The following STARD5 variants were observed in gnomAD, a reference collection of about 807,000 sequenced individuals.
STARD5 encodes the protein stAR-related lipid transfer protein 5.
STARD5 carries 26 observed loss-of-function variants against 24.6 expected under a neutral mutation model. The observed-to-expected ratio is 1.06, with a 90% CI of 0.77 to 1.47. The LOEUF is 1.47. Among genes scored for constraint, STARD5 ranks in the 40% most tolerant of loss-of-function variants. The pLI is 0.00. For missense variants in STARD5, 254 were observed against 270.8 expected, an observed-to-expected ratio of 0.94 and a Z score of 0.44; for synonymous variants, 101 against 99.7, an observed-to-expected ratio of 1.01 and a Z score of -0.07.
rs142109431 is a variant in STARD5, at chr15:81,312,592, C to G, written c.*664G>C. Reference sequence around the variant, plus strand: ...ACAGATTCACACTGTCTGGTTTCACCGAGGACATGAAACTCCACCTTGCGG... The same window carrying G: ...ACAGATTCACACTGTCTGGTTTCACGGAGGACATGAAACTCCACCTTGCGG... On this transcript the variant is annotated 3_prime_UTR_variant, in exon 6 of 6. Transcript: ENST00000302824. The G allele has an allele frequency of 7.9e-5, 12 of 152,160 alleles. No individual in the cohort carries two copies. The highest frequency in any genetic ancestry group is 2.7e-4 in the African/African-American group (11 of 41,434). 9.4% of individuals were successfully genotyped at this position (152,160 alleles called of 1,614,324 possible).
rs1164330273 is a variant in STARD5 at position 81,313,380 on chromosome 15, A to C, written c.518T>G (p.Val173Gly). Residue 173 changes from valine (V) to glycine (G), a missense_variant, in exon 6 of 6, where the codon GTC (valine) becomes GGC (glycine). Coordinates refer to ENST00000302824, the MANE Select transcript of STARD5 (RefSeq NM_181900.3). ...LPGEPTKTNL[V>G]TFFHTDLSGY... ...GCTGAGGTCGGTATGGAAGAATGTG[A>C]CCAGGTTGGTCTTGGTGGGTTCCCT... The C allele has an allele frequency of 3.2e-6, 5 of 1,567,200 alleles. No individual in the cohort carries two copies. The African/African-American group carries it at 6.8e-5, about 21-fold the overall frequency.
At chr15:81,322,619 T>G (rs1893312376) in intron 2 of STARD5, 79 bp from the exon 3 acceptor site, 4 of 1,598,920 alleles carry the variant, frequency 2.5e-6, no homozygotes, top group Non-Finnish European at 3.4e-6. Context: ...GACTAGAAGG[T>G]GGACCATGCC....
In STARD5 at chr15:81,309,090, CAT is replaced by C. The variant is rs1453935087; in HGVS notation, c.*4164_*4165del. 4 of 324,730 alleles carry C rather than the reference CAT, an allele frequency of 1.2e-5. No individual in the cohort carries two copies. Among genetic ancestry groups the C allele is most frequent in the African/African-American group, 8.6e-5 (4 of 46,728 alleles). The allele number at this position is 324,730 out of a possible 1,614,324, so 20.1% of individuals were successfully genotyped here. A position where few individuals can be genotyped will look rare whatever the true frequency, so the allele number is the denominator to read the frequency against. Reference sequence around the variant, plus strand: ...AAATAAAATGGATTTATTAGAATTTCATATGACATTCATGCCTGGCTTCGCAA... The same window carrying C: ...AAATAAAATGGATTTATTAGAATTTCATGACATTCATGCCTGGCTTCGCAA... On this transcript the variant is annotated 3_prime_UTR_variant, in exon 6 of 6. Transcript: ENST00000302824.
chr15:81,321,893 G>C (rs1415287494), intron 3 of STARD5, among the ~76,000 whole-genome samples: 1 of 152,156 alleles, frequency 6.6e-6, no homozygotes, highest in East Asian at 1.9e-4. Flanking sequence ...TCAAAACTGA[G>C]ATTTACATGT....
In STARD5 at chr15:81,312,720, T is replaced by C. The variant is rs1326850891; in HGVS notation, c.*536A>G. 1 of 152,260 alleles carries C rather than the reference T, an allele frequency of 6.6e-6. No homozygotes were observed. The highest frequency in any genetic ancestry group is 1.5e-5 in the Non-Finnish European group (1 of 68,050). 9.4% of individuals were successfully genotyped at this position (152,260 alleles called of 1,614,324 possible). On this transcript the variant is annotated 3_prime_UTR_variant, in exon 6 of 6. Transcript: ENST00000302824. The stretch of plus-strand genomic sequence containing the variant: ...AAACCATTATTTCCAAGTTGACACC[T>C]TTTTTAAGGAAAAATAAATATTTTG...
intron 5 of STARD5, among the ~76,000 whole-genome samples, chr15:81,315,326 G>GT (rs1417458754): frequency 6.6e-6 from 1 of 152,142 alleles, no homozygotes; most frequent in Non-Finnish European, 1.5e-5. Context: ...GGCGGAACGT[G>GT]TGAGAGGCCA....
chr15:81,324,103 G>A lies in STARD5; in HGVS notation c.-4C>T, dbSNP rs1893344260. ...GGGCTGCCAGCGCCGGGTCCATTGC[G>A]TCGGGAGCTGCGCTTAGCTGCGGGG... On this transcript the variant is annotated 5_prime_UTR_variant, in exon 1 of 6. In the 5' UTR this introduces an upstream ATG that the reference lacks. Coordinates refer to ENST00000302824, the MANE Select transcript of STARD5 (RefSeq NM_181900.3). 4.8e-6 allele frequency: 7 copies of A among 1,444,784 alleles called. No homozygotes were observed. The highest frequency in any genetic ancestry group is 1.5e-5 in the South Asian group (1 of 67,940). The allele number at this position is 1,444,784 out of a possible 1,614,324, so 89.5% of individuals were successfully genotyped here.
In STARD5 at chr15:81,319,399, T is replaced by C. The variant is rs758361666; in HGVS notation, c.340A>G (p.Arg114Gly). Residue 114 changes from arginine (R) to glycine (G), a missense_variant, in exon 4 of 6, where the codon AGA becomes GGA. Physicochemically the swap from Arg to Gly is moderately radical, Grantham distance 125. Coordinates refer to ENST00000302824, the MANE Select transcript of STARD5 (RefSeq NM_181900.3). ...PSAAMKLISPRDFVDLVLVKR... is the reference protein window; with the variant it reads ...PSAAMKLISPGDFVDLVLVKR... ...ACTAGCACCAAGTCCACAAAATCTC[T>C]GGGAGAAATGAGCTTCATGGCAGCG... 1 of 1,614,160 alleles carries C rather than the reference T, an allele frequency of 6.2e-7. No individual in the cohort carries two copies. The highest frequency in any genetic ancestry group is 1.7e-5 in the Admixed American group (1 of 60,028).
Position 81,311,740 on chromosome 15 carries a change from G to C in STARD5, c.*1516C>G, listed in dbSNP as rs1258544072. Reference sequence around the variant, plus strand: ...GATATAGAACAGTGCTTGCCACAGAGCGGGGACTCGGTAAGCACTTAATGA... The same window carrying C: ...GATATAGAACAGTGCTTGCCACAGACCGGGGACTCGGTAAGCACTTAATGA... On this transcript the variant is annotated 3_prime_UTR_variant, in exon 6 of 6. Transcript: ENST00000302824. 3 of 152,246 alleles carry C rather than the reference G, an allele frequency of 2.0e-5. No individual in the cohort carries two copies. Among genetic ancestry groups the C allele is most frequent in the African/African-American group, 7.2e-5 (3 of 41,458 alleles). The allele number at this position is 152,246 out of a possible 1,614,324, so 9.4% of individuals were successfully genotyped here. A position where few individuals can be genotyped will look rare whatever the true frequency, so the allele number is the denominator to read the frequency against.
chr15:81,318,347 G>T, intron 5 of STARD5, 62 bp downstream of exon 5: 1 of 1,408,314 alleles, frequency 7.1e-7, no homozygotes, highest in Non-Finnish European at 1.0e-6. Context: ...TTCACAGAAG[G>T]TCCACAGGGA....
intron 3 of STARD5, among the ~76,000 whole-genome samples, chr15:81,320,590 G>A (rs4396495): frequency 0.035 from 5,285 of 152,190 alleles, 124 homozygotes; most frequent in Middle Eastern, 0.078. Context: ...GAGTGCGGGC[G>A]GCAATATGTA....
Position 81,311,713 on chromosome 15 carries a change from T to C in STARD5, c.*1543A>G, listed in dbSNP as rs1025023471. The C allele has an allele frequency of 1.3e-5, 2 of 152,124 alleles. No individual in the cohort carries two copies. The highest frequency in any genetic ancestry group is 4.8e-5 in the African/African-American group (2 of 41,404). The allele number at this position is 152,124 out of a possible 1,614,324, so 9.4% of individuals were successfully genotyped here. A position where few individuals can be genotyped will look rare whatever the true frequency, so the allele number is the denominator to read the frequency against. ...TAGAATTGGCTGAACTCATGAGAAG[T>C]TGATATAGAACAGTGCTTGCCACAG... On this transcript the variant is annotated 3_prime_UTR_variant, in exon 6 of 6. Transcript: ENST00000302824.
At chr15:81,317,938 C>G (rs563045315) in intron 5 of STARD5, among the ~76,000 whole-genome samples, 1 of 152,272 alleles carries the variant, frequency 6.6e-6, no homozygotes, top group East Asian at 1.9e-4. Flanking sequence ...CCGCCACATT[C>G]CTTGCCGAGG....
At chr15:81,322,382 G>A (rs1165400788) in intron 3 of STARD5, 26 bp downstream of exon 3, 1 of 1,613,910 alleles carries the variant, frequency 6.2e-7, no homozygotes, top group African/African-American at 1.3e-5. Context: ...ACACTATCTA[G>A]AGATAACATG....
intron 3 of STARD5, among the ~76,000 whole-genome samples, chr15:81,320,315 C>T (rs1901171385): frequency 6.6e-6 from 1 of 152,174 alleles, no homozygotes; most frequent in South Asian, 2.1e-4. Flanking sequence ...ACACTTTCGG[C>T]CTCAGGAAAT....
chr15:81,322,235 C>T (rs949737450), intron 3 of STARD5, among the ~76,000 whole-genome samples, 173 bp downstream of exon 3: 1 of 152,190 alleles, frequency 6.6e-6, no homozygotes, highest in African/African-American at 2.4e-5. Flanking sequence ...GGTTTCCCAC[C>T]GGGAAACTGG....
rs766186823 is a variant in STARD5 at position 81,319,369 on chromosome 15, T to C, written c.370A>G (p.Arg124Gly). The C allele has an allele frequency of 2.5e-6, 4 of 1,614,216 alleles. No individual in the cohort carries two copies. Among genetic ancestry groups the C allele is most frequent in the Non-Finnish European group, 3.4e-6 (4 of 1,180,028 alleles). ...GAACTGATGGTCCCATCCTCATATCTCTTGACTAGCACCAAGTCCACAAAA... is the reference window on the plus strand; with the variant it reads ...GAACTGATGGTCCCATCCTCATATCCCTTGACTAGCACCAAGTCCACAAAA... ...RDFVDLVLVK[R>G]YEDGTISSNA... Residue 124 changes from arginine (R) to glycine (G), a missense_variant, in exon 4 of 6, where the codon AGA (arginine) becomes GGA (glycine). By Grantham distance (125) the Arg-to-Gly change is moderately radical. Coordinates refer to ENST00000302824, the MANE Select transcript of STARD5 (RefSeq NM_181900.3).
In STARD5 at chr15:81,322,917, A is replaced by G; in HGVS notation, c.131T>C (p.Val44Ala). 6.2e-7 allele frequency: 1 copy of G among 1,614,182 alleles called. No homozygotes were observed. The highest frequency in any genetic ancestry group is 8.5e-7 in the Non-Finnish European group (1 of 1,180,040). Residue 44 changes from valine (V) to alanine (A), a missense_variant, in exon 2 of 6, where the codon GTG (valine) becomes GCG (alanine). Val to Ala is a moderately conservative substitution (Grantham distance 64). Transcript: ENST00000302824. ...NGVSVSWRPSVEFPGNLYRGE... is the reference protein window; with the variant it reads ...NGVSVSWRPSAEFPGNLYRGE... ...CACTTACAGGTTCCCTGGAAACTCC[A>G]CAGATGGCCTCCAGGAAACTGAAAC...
Position 81,319,412 on chromosome 15 carries a change from C to T in STARD5, c.327G>A (p.Lys109=), listed in dbSNP as rs760226245. The T allele has an allele frequency of 6.2e-7, 1 of 1,614,102 alleles. No individual in the cohort carries two copies. The highest frequency in any genetic ancestry group is 8.5e-7 in the Non-Finnish European group (1 of 1,180,040). Residue 109 remains lysine (K), a synonymous_variant, in exon 4 of 6, where the codon AAG becomes AAA. Transcript: ENST00000302824. Reference sequence around the variant, plus strand: ...CCACAAAATCTCTGGGAGAAATGAGCTTCATGGCAGCGGAGGGAGTGGAGG... The same window carrying T: ...CCACAAAATCTCTGGGAGAAATGAGTTTCATGGCAGCGGAGGGAGTGGAGG... ...SRTSTPSAAM[K]LISPRDFVDL... is the part of the protein sequence containing the mutation.
Sources: gnomAD v4.1 joint callset for allele counts (sites outside exome capture counted in the v4.1 genomes callset) on GRCh38, gnomAD v4.1.1 for gene constraint, MANE v1.5 for transcripts, NCBI Gene and HGNC (gene_info 2026-07-23, HGNC 2026-07-21) for gene names.